Variants in ILKAP observed in about 807,000 individuals in gnomAD.
ILKAP encodes the protein ILK associated serine/threonine phosphatase.
ILKAP carries 11 observed loss-of-function variants against 49.1 expected under a neutral mutation model. That is an observed-to-expected ratio of 0.22 (90% confidence interval 0.14 to 0.37). ILKAP has a LOEUF of 0.37. Among genes scored for constraint, ILKAP ranks in the 10% least tolerant of loss-of-function variants. The pLI is 1.00. For missense variants in ILKAP, 363 were observed against 510.8 expected (o/e 0.71, Z 2.79); for synonymous variants, 186 against 192.8 (o/e 0.96, Z 0.29).
intron 9 of ILKAP, among the ~76,000 whole-genome samples, chr2:238,180,302 G>T (rs1693635327): frequency 6.6e-6 from 1 of 152,108 alleles, no homozygotes; most frequent in Non-Finnish European, 1.5e-5. Context: ...ATATAGACAG[G>T]GTATTAGATA....
intron 3 of ILKAP, among the ~76,000 whole-genome samples, chr2:238,192,329 C>T (rs902481407): frequency 2.0e-5 from 3 of 152,276 alleles, no homozygotes; most frequent in Middle Eastern, 3.4e-3. Flanking sequence ...GTAGTCTGTA[C>T]AAGAAACAGA....
chr2:238,176,159 A>G (rs1244710468), intron 9 of ILKAP, among the ~76,000 whole-genome samples: 1 of 99,448 alleles, frequency 1.0e-5, no homozygotes, highest in Non-Finnish European at 1.9e-5. Flanking sequence ...TTTGAGACAG[A>G]GTCTCACTCT....
intron 3 of ILKAP, among the ~76,000 whole-genome samples, chr2:238,192,246 TAAAATTTC>T (rs1694161826): frequency 6.6e-6 from 1 of 150,544 alleles, no homozygotes; most frequent in Non-Finnish European, 1.5e-5. Flanking sequence ...AGAAAAATAA[TAAAATTTC>T]AAAATAAAGA....
intron 1 of ILKAP, among the ~76,000 whole-genome samples, chr2:238,198,198 T>C (rs757968224): frequency 2.0e-5 from 3 of 152,220 alleles, no homozygotes; most frequent in African/African-American, 4.8e-5. Flanking sequence ...CTATAGGTCA[T>C]AGATACATAA....
At position 238,190,037 on chromosome 2, in the gene ILKAP, A is replaced by T. The variant is rs1694058321; in HGVS notation, c.179-65T>A. 5.1e-6 allele frequency: 8 copies of T among 1,565,272 alleles called. No homozygotes were observed. The South Asian group carries it at 8.1e-5, about 16-fold the overall frequency. ...GACTGTTGGAAAAAGTCACTAGTAG[A>T]CTGGGCTTCATCCTAGCACTCAAAG... On this transcript the variant is annotated intron_variant, in intron 3 of 11. Coordinates refer to ENST00000254654, the MANE Select transcript of ILKAP (RefSeq NM_030768.3).
intron 1 of ILKAP, among the ~76,000 whole-genome samples, chr2:238,196,086 C>CT (rs34504570): frequency 0.032 from 2,482 of 77,458 alleles, 53 homozygotes; most frequent in Non-Finnish European, 0.035. Context: ...AACCAATTCA[C>CT]TTTTTTTTTT....
intron 3 of ILKAP, among the ~76,000 whole-genome samples, chr2:238,192,432 G>A (rs1048272275): frequency 8.5e-5 from 13 of 152,070 alleles, no homozygotes; most frequent in East Asian, 3.9e-4. Context: ...GGGCAAGGTC[G>A]CTCACACCTG....
chr2:238,189,661 A>C, intron 4 of ILKAP, 192 bp downstream of exon 4: 7 of 463,522 alleles, frequency 1.5e-5, no homozygotes, highest in East Asian at 4.2e-5. Context: ...AGGTAGGATC[A>C]GAGATAGATG....
At chr2:238,185,434 T>TG (rs1285944780) in intron 5 of ILKAP, 147 bp from the exon 6 acceptor site, 3 of 545,684 alleles carry the variant, frequency 5.5e-6, no homozygotes, top group Admixed American at 6.9e-5. Context: ...CTGTTACAAA[T>TG]GGGAAAAAAA....
chr2:238,171,948 G>C (rs1268711941), intron 10 of ILKAP, among the ~76,000 whole-genome samples: 1 of 152,172 alleles, frequency 6.6e-6, no homozygotes, highest in Non-Finnish European at 1.5e-5. Context: ...ATTGGGGGTG[G>C]GGAATACGCA....
intron 4 of ILKAP, 40 bp downstream of exon 4, chr2:238,189,813 T>G: frequency 6.3e-7 from 1 of 1,597,328 alleles, no homozygotes; most frequent in Non-Finnish European, 8.6e-7. Context: ...TGTTTTAAAA[T>G]ATGAAGTCTA....
chr2:238,203,444 C>A, intron 1 of ILKAP, 55 bp downstream of exon 1: 1 of 1,065,462 alleles, frequency 9.4e-7, no homozygotes, highest in Non-Finnish European at 1.2e-6. Flanking sequence ...CCTCAGGCCG[C>A]CCCCATCCCG....
intron 9 of ILKAP, among the ~76,000 whole-genome samples, chr2:238,175,124 T>TC (rs1306603954): frequency 6.7e-6 from 1 of 148,920 alleles, no homozygotes; most frequent in East Asian, 1.9e-4. Flanking sequence ...CATTCTCTCT[T>TC]TTTTTTTTTA....
chr2:238,194,735 A>G (rs1694275439), intron 2 of ILKAP, 70 bp downstream of exon 2: 1 of 1,460,544 alleles, frequency 6.8e-7, no homozygotes, highest in African/African-American at 1.4e-5. Flanking sequence ...AGGGAAAAAG[A>G]TTGAGACAAC....
At chr2:238,190,439 A>C (rs1289670401) in intron 3 of ILKAP, among the ~76,000 whole-genome samples, 3 of 152,178 alleles carry the variant, frequency 2.0e-5, no homozygotes, top group Non-Finnish European at 4.4e-5. Flanking sequence ...CAAAGGCAAA[A>C]TAAGGCTGCC....
chr2:238,187,485 C>CA (rs1693953803), intron 5 of ILKAP, among the ~76,000 whole-genome samples: 1 of 147,712 alleles, frequency 6.8e-6, no homozygotes, highest in Non-Finnish European at 1.5e-5. Flanking sequence ...TTACAGCCAA[C>CA]TTAATGTCCT....
rs779194319 is a variant in ILKAP, at chr2:238,194,874, A to T, written c.56-4T>A. On this transcript the variant is annotated splice_polypyrimidine_tract_variant and splice_region_variant and intron_variant, in intron 1 of 11. Coordinates refer to ENST00000254654, the MANE Select transcript of ILKAP (RefSeq NM_030768.3). ...GGTCCTTTCTGAGCTTCTTTCCCTAAAACACAGAAAACCTGTTTAGAGAGC... is the reference window on the plus strand; with the variant it reads ...GGTCCTTTCTGAGCTTCTTTCCCTATAACACAGAAAACCTGTTTAGAGAGC... The T allele has an allele frequency of 6.2e-7, 1 of 1,611,912 alleles. No individual in the cohort carries two copies. Among genetic ancestry groups the T allele is most frequent in the Non-Finnish European group, 8.5e-7 (1 of 1,177,946 alleles).
intron 3 of ILKAP, among the ~76,000 whole-genome samples, chr2:238,192,927 C>A (rs963977358): frequency 6.6e-6 from 1 of 151,370 alleles, no homozygotes; most frequent in Non-Finnish European, 1.5e-5. Context: ...GCAGGAGAAT[C>A]GCTTAAACCC....
intron 1 of ILKAP, among the ~76,000 whole-genome samples, chr2:238,201,687 AATT>A (rs1464111884): frequency 1.3e-5 from 2 of 152,200 alleles, no homozygotes; most frequent in African/African-American, 4.8e-5. Flanking sequence ...AGCAGAACCT[AATT>A]AATTGCAGGT....
Sources: gnomAD v4.1 joint callset for allele counts (sites outside exome capture counted in the v4.1 genomes callset) on GRCh38, gnomAD v4.1.1 for gene constraint, MANE v1.5 for transcripts, NCBI Gene and HGNC (gene_info 2026-07-23, HGNC 2026-07-21) for gene names.